HCN1: variants seen among roughly 807,000 people sequenced by gnomAD.
HCN1 encodes the protein potassium/sodium hyperpolarization-activated cyclic nucleotide-gated channel 1.
In HCN1, 13 loss-of-function variants were observed where a neutral mutation model predicts 78.9. The ratio of observed to expected loss-of-function variants is 0.16; its 90% CI spans 0.11 to 0.26. The LOEUF (loss-of-function observed/expected upper bound fraction) is 0.26, where lower values mean the gene tolerates loss of function less well. Among genes scored for constraint, HCN1 ranks in the 10% least tolerant of loss-of-function variants. The pLI, the probability that HCN1 is intolerant of heterozygous loss-of-function variation, is 1.00. For synonymous variants in HCN1, 552 were observed against 455.5 expected, an observed-to-expected ratio of 1.21 and a Z score of -2.70; for missense variants, 810 against 1,154.3, an observed-to-expected ratio of 0.70 and a Z score of 4.32.
In HCN1 at chr5:45,262,033, C is replaced by T. The variant is rs1060500094; in HGVS notation, c.2561G>A (p.Arg854Gln). 5.0e-6 allele frequency: 8 copies of T among 1,613,760 alleles called. No individual in the cohort carries two copies. The highest frequency in any genetic ancestry group is 4.5e-5 in the East Asian group (2 of 44,856). ...QMSSGAIPPN[R>Q]GVPPAPPPPA... is the part of the protein sequence containing the mutation. ...TGGAGGGGGTGCTGGAGGGACTCCT[C>T]GGTTCGGGGGGATGGCTCCCGACGA... The change falls in exon 8 of 8, where the codon CGA becomes CAA. Residue 854 changes from arginine to glutamine, a missense_variant. By Grantham distance (43) the Arg-to-Gln change is conservative (BLOSUM62 1). Coordinates refer to ENST00000303230, the MANE Select transcript of HCN1 (RefSeq NM_021072.4).
chr5:45,488,021 T>G (rs1008801258), intron 2 of HCN1, among the ~76,000 whole-genome samples: 3 of 152,130 alleles, frequency 2.0e-5, no homozygotes, highest in African/African-American at 7.2e-5. Flanking sequence ...CAACGTGTAT[T>G]AAATGTGAAT....
intron 5 of HCN1, among the ~76,000 whole-genome samples, chr5:45,332,605 C>A (rs536720394): frequency 6.8e-4 from 103 of 151,436 alleles, no homozygotes; most frequent in Non-Finnish European, 1.2e-3. Context: ...TTTTTGTACC[C>A]AGTAAGCATC....
intron 2 of HCN1, among the ~76,000 whole-genome samples, chr5:45,602,140 G>A (rs1744637222): frequency 1.3e-5 from 2 of 152,102 alleles, no homozygotes; most frequent in Non-Finnish European, 2.9e-5. Context: ...GCAAAACTAT[G>A]AGCAATTAAA....
intron 4 of HCN1, among the ~76,000 whole-genome samples, chr5:45,359,169 T>A (rs1259533009): frequency 6.6e-6 from 1 of 152,042 alleles, no homozygotes; most frequent in Non-Finnish European, 1.5e-5. Context: ...TGTTATAGAG[T>A]CAGATTACAG....
intron 2 of HCN1, among the ~76,000 whole-genome samples, chr5:45,561,379 T>C (rs921444572): frequency 3.3e-5 from 5 of 152,056 alleles, no homozygotes; most frequent in Non-Finnish European, 7.4e-5. Flanking sequence ...GCAATCAATT[T>C]AGAGTACTTC....
At chr5:45,660,211 T>C (rs1410950473) in intron 1 of HCN1, among the ~76,000 whole-genome samples, 1 of 119,164 alleles carries the variant, frequency 8.4e-6, no homozygotes, top group Non-Finnish European at 1.7e-5. Context: ...CTAAGCTTCA[T>C]AAGTGAAGGA....
chr5:45,303,732 C>A lies in HCN1; in HGVS notation c.1485G>T (p.Val495=), dbSNP rs747328003. 1.2e-6 allele frequency: 2 copies of A among 1,613,678 alleles called. No homozygotes were observed. Among genetic ancestry groups the A allele is most frequent in the Non-Finnish European group, 1.7e-6 (2 of 1,179,790 alleles). The change falls in exon 6 of 8, where the codon GTG becomes GTT. Residue 495 remains valine (V), a synonymous_variant. Transcript: ENST00000303230. The part of the protein sequence containing the change: ...TAMLSKLRFE[V]FQPGDYIIRE... ...GTATGATATAATCTCCAGGTTGAAA[C>A]ACCTCAAATCTCAACTTGCTCAGCA...
intron 5 of HCN1, among the ~76,000 whole-genome samples, chr5:45,309,906 T>A (rs748143787): frequency 1.3e-5 from 2 of 152,144 alleles, no homozygotes; most frequent in South Asian, 4.1e-4. Flanking sequence ...GACTCCCTCC[T>A]TTTCGACTTT....
chr5:45,552,429 A>G (rs1473242489), intron 2 of HCN1, among the ~76,000 whole-genome samples: 1 of 151,972 alleles, frequency 6.6e-6, no homozygotes, highest in African/African-American at 2.4e-5. Context: ...GCAGCAATAT[A>G]ATGCAACTGT....
intron 5 of HCN1, among the ~76,000 whole-genome samples, chr5:45,349,265 G>A (rs1432615743): frequency 1.3e-5 from 2 of 152,170 alleles, no homozygotes; most frequent in Non-Finnish European, 2.9e-5. Context: ...ACCTGCTCCT[G>A]AATGACTACT....
rs1054399439 is a variant in HCN1 at position 45,645,612 on chromosome 5, C to A, written c.426-4G>T. 3.8e-6 allele frequency: 6 copies of A among 1,580,638 alleles called. No individual in the cohort carries two copies. Among genetic ancestry groups the A allele is most frequent in the African/African-American group, 2.7e-5 (2 of 73,864 alleles). ...CATTATTAAATCCCAGTAAAACCTACAACAAATAAAAAAATCAGATTTTAA... is the reference window on the plus strand; with the variant it reads ...CATTATTAAATCCCAGTAAAACCTAAAACAAATAAAAAAATCAGATTTTAA... On this transcript the variant is annotated splice_polypyrimidine_tract_variant and splice_region_variant and intron_variant, in intron 1 of 7. Transcript: ENST00000303230.
intron 2 of HCN1, among the ~76,000 whole-genome samples, chr5:45,561,863 T>C (rs1381491376): frequency 6.6e-6 from 1 of 152,160 alleles, no homozygotes; most frequent in African/African-American, 2.4e-5. Context: ...CCCTGGATGG[T>C]GAACACATCA....
intron 2 of HCN1, among the ~76,000 whole-genome samples, chr5:45,482,244 G>T (rs1037963199): frequency 2.0e-5 from 3 of 152,168 alleles, no homozygotes; most frequent in East Asian, 3.9e-4. Context: ...TTAGAAGGTA[G>T]GCAGGTTCAC....
rs534995221 is a variant in HCN1, at chr5:45,534,995, A to G, written c.850-72988T>C. ...GCTATTGAAACAGTAAGACTTGGCA[A>G]TTCTATCCACCCAAAATAAAACATC... On this transcript the variant is annotated intron_variant, in intron 2 of 7. Coordinates refer to ENST00000303230, the MANE Select transcript of HCN1 (RefSeq NM_021072.4). 3.3e-5 allele frequency among the ~76,000 whole-genome samples: 5 copies of G among 152,346 alleles called. No individual in the cohort carries two copies. In the South Asian group the frequency reaches 1.0e-3, roughly 32 times the overall value.
chr5:45,400,810 TA>T (rs1373171698), intron 3 of HCN1, among the ~76,000 whole-genome samples: 1 of 152,212 alleles, frequency 6.6e-6, no homozygotes, highest in Non-Finnish European at 1.5e-5. Flanking sequence ...CAAAATCAGG[TA>T]TGGATCATTC....
rs1747160748 is a variant in HCN1 at position 45,363,187 on chromosome 5, C to T, written c.1231-9941G>A. ...ATATATATCTGAATAGTACTGAACA[C>T]CAGTGGTTAACACTATTGATGTCCC... On this transcript the variant is annotated intron_variant, in intron 4 of 7. Coordinates refer to ENST00000303230, the MANE Select transcript of HCN1 (RefSeq NM_021072.4). Among the ~76,000 whole-genome samples, 3 of 143,334 alleles carry T rather than the reference C, an allele frequency of 2.1e-5. No homozygotes were observed. In the Admixed American group the frequency reaches 2.1e-4, roughly 10 times the overall value. 94.0% of individuals were successfully genotyped at this position (143,334 alleles called of 152,430 possible).
At chr5:45,561,987 A>T (rs1743614022) in intron 2 of HCN1, among the ~76,000 whole-genome samples, 1 of 152,290 alleles carries the variant, frequency 6.6e-6, no homozygotes, top group Non-Finnish European at 1.5e-5. Context: ...TAAAACTGTA[A>T]TCATAAGTAT....
intron 4 of HCN1, among the ~76,000 whole-genome samples, chr5:45,371,606 A>T (rs2112005015): frequency 6.6e-6 from 1 of 150,814 alleles, no homozygotes; most frequent in East Asian, 2.0e-4. Flanking sequence ...AAAACATAAA[A>T]ATTGGCTGGG....
At chr5:45,663,643 T>G (rs1254656581) in intron 1 of HCN1, among the ~76,000 whole-genome samples, 1 of 150,602 alleles carries the variant, frequency 6.6e-6, no homozygotes, top group South Asian at 2.1e-4. Flanking sequence ...AAAAAGTGGG[T>G]GAAGGACATG....
Sources: gnomAD v4.1 joint callset for allele counts (sites outside exome capture counted in the v4.1 genomes callset) on GRCh38, gnomAD v4.1.1 for gene constraint, MANE v1.5 for transcripts, NCBI Gene and HGNC (gene_info 2026-07-23, HGNC 2026-07-21) for gene names.